Variants in THADA observed in about 807,000 individuals in gnomAD.
The protein encoded by THADA is THADA armadillo repeat containing.
In THADA, 213 loss-of-function variants were observed where a neutral mutation model predicts 219.8. The ratio of observed to expected loss-of-function variants is 0.97; its 90% CI spans 0.87 to 1.09. THADA has a LOEUF of 1.09. THADA is among the 50% of genes least tolerant of loss of function. The pLI is 0.00. For synonymous variants in THADA, 1,018 were observed against 828.9 expected (o/e 1.23, Z -3.92); for missense variants, 2,956 against 2,311.3 (o/e 1.28, Z -5.72).
chr2:43,584,527 A>C (rs1471865390), intron 7 of THADA, among the ~76,000 whole-genome samples: 1 of 152,246 alleles, frequency 6.6e-6, no homozygotes, highest in Non-Finnish European at 1.5e-5. Context: ...AAGAAGATGT[A>C]CAGGTATTAT....
intron 22 of THADA, among the ~76,000 whole-genome samples, chr2:43,512,362 C>T (rs1690594024): frequency 6.6e-6 from 1 of 152,200 alleles, no homozygotes; most frequent in Non-Finnish European, 1.5e-5. Flanking sequence ...AGCTCTGCAC[C>T]TCTCCCAGGC....
intron 16 of THADA, among the ~76,000 whole-genome samples, chr2:43,556,951 T>G (rs1456745255): frequency 6.6e-6 from 1 of 152,102 alleles, no homozygotes; most frequent in Non-Finnish European, 1.5e-5. Flanking sequence ...GGTGTAATGG[T>G]GCACACCTGT....
chr2:43,481,980 T>C (rs1268075076), intron 26 of THADA, among the ~76,000 whole-genome samples: 1 of 152,156 alleles, frequency 6.6e-6, no homozygotes, highest in Non-Finnish European at 1.5e-5. Context: ...CTAAGCGCCA[T>C]ATTAGTTTAG....
intron 7 of THADA, among the ~76,000 whole-genome samples, chr2:43,583,874 T>C (rs559437176): frequency 1.6e-4 from 25 of 151,812 alleles, no homozygotes; most frequent in Admixed American, 1.5e-3. Context: ...AAAACCATAT[T>C]TCTACCAAAA....
At chr2:43,278,569 G>T (rs1312312331) in intron 36 of THADA, among the ~76,000 whole-genome samples, 1 of 152,216 alleles carries the variant, frequency 6.6e-6, no homozygotes, top group Non-Finnish European at 1.5e-5. Flanking sequence ...GAGCCTGCTT[G>T]CATATCACTT....
At chr2:43,553,322 T>C (rs9973398) in intron 17 of THADA, among the ~76,000 whole-genome samples, 55,123 of 151,978 alleles carry the variant, frequency 0.36, 10,571 homozygotes, top group African/African-American at 0.48. Context: ...TATTTTGAAG[T>C]CCTAATCCCT....
At chr2:43,514,127 T>C (rs1483433922) in intron 22 of THADA, among the ~76,000 whole-genome samples, 2 of 150,116 alleles carry the variant, frequency 1.3e-5, no homozygotes, top group African/African-American at 4.9e-5. Context: ...AGAACAGGCA[T>C]GTATAAAAAT....
In THADA at chr2:43,230,964, G is replaced by A. The variant is rs779072355; in HGVS notation, c.5846C>T (p.Thr1949Ile). 1 of 1,610,294 alleles carries A rather than the reference G, an allele frequency of 6.2e-7. No homozygotes were observed. The highest frequency in any genetic ancestry group is 8.5e-7 in the Non-Finnish European group (1 of 1,176,950). The change falls in exon 38 of 38, where the codon ACA becomes ATA. Residue 1949 changes from threonine to isoleucine, a missense_variant. Transcript: ENST00000405975. ...AESRQLTLPR[T>I]EAAC The stretch of plus-strand genomic sequence containing the variant: ...AGATTTTCTTCAACATGCCGCTTCT[G>A]TTCTTGGAAGAGTTAACTGCCTCGA...
chr2:43,512,501 T>G (rs1413170548), intron 22 of THADA, among the ~76,000 whole-genome samples: 2 of 152,176 alleles, frequency 1.3e-5, no homozygotes, highest in African/African-American at 4.8e-5. Context: ...TTTGTTTGTT[T>G]TTGTTTTGTT....
At chr2:43,507,683 G>C (rs759106115) in intron 23 of THADA, among the ~76,000 whole-genome samples, 3 of 152,078 alleles carry the variant, frequency 2.0e-5, no homozygotes, top group African/African-American at 4.8e-5. Context: ...AAAAATCAGA[G>C]ACTTCATTCC....
intron 22 of THADA, among the ~76,000 whole-genome samples, chr2:43,513,639 A>G (rs1346676104): frequency 1.3e-5 from 2 of 152,156 alleles, no homozygotes; most frequent in East Asian, 3.8e-4. Context: ...GGGACACCCA[A>G]AATACCACTA....
chr2:43,501,472 T>A (rs541772187), intron 24 of THADA, among the ~76,000 whole-genome samples: 84 of 152,234 alleles, frequency 5.5e-4, no homozygotes, highest in African/African-American at 1.9e-3. Flanking sequence ...AATCAATACA[T>A]TTAAATTCTA....
intron 1 of THADA, among the ~76,000 whole-genome samples, chr2:43,594,445 G>A (rs1431768010): frequency 1.3e-5 from 2 of 152,082 alleles, no homozygotes; most frequent in African/African-American, 4.8e-5. Flanking sequence ...TTAGCCGGGT[G>A]TGGTGGCAGG....
At chr2:43,366,827 C>T (rs1670208300) in intron 29 of THADA, among the ~76,000 whole-genome samples, 1 of 152,150 alleles carries the variant, frequency 6.6e-6, no homozygotes, top group African/African-American at 2.4e-5. Flanking sequence ...GATATTTGTA[C>T]AGCCATGTTC....
chr2:43,467,699 G>C (rs1003525809), intron 26 of THADA, among the ~76,000 whole-genome samples: 7 of 152,022 alleles, frequency 4.6e-5, no homozygotes, highest in African/African-American at 1.7e-4. Context: ...GTATAAACTG[G>C]TAAATAAGAA....
chr2:43,384,132 G>A (rs1040523544), intron 29 of THADA, among the ~76,000 whole-genome samples: 1 of 152,222 alleles, frequency 6.6e-6, no homozygotes, highest in African/African-American at 2.4e-5. Context: ...CTCTACTCAT[G>A]CTCTCATTCG....
At chr2:43,548,066 T>C (rs1696267820) in intron 20 of THADA, among the ~76,000 whole-genome samples, 6 of 152,142 alleles carry the variant, frequency 3.9e-5, no homozygotes, top group Admixed American at 3.9e-4. Flanking sequence ...TTTCTGTTTG[T>C]TAGTTTTCCT....
chr2:43,526,932 T>A (rs563188472), intron 22 of THADA, among the ~76,000 whole-genome samples: 85 of 152,034 alleles, frequency 5.6e-4, no homozygotes, highest in Middle Eastern at 3.4e-3. Flanking sequence ...AAAAAGTTCA[T>A]AAGTCATATC....
intron 24 of THADA, among the ~76,000 whole-genome samples, chr2:43,501,054 C>T (rs1331138750): frequency 2.0e-5 from 3 of 151,596 alleles, no homozygotes; most frequent in African/African-American, 7.3e-5. Context: ...GCCTGTGATC[C>T]CAGCACTTTG....
Sources: allele counts gnomAD v4.1 joint callset (sites outside exome capture counted in the v4.1 genomes callset), GRCh38; gene constraint gnomAD v4.1.1; transcripts MANE v1.5; gene names NCBI Gene and HGNC (gene_info 2026-07-23, HGNC 2026-07-21).